The following RANBP17 variants were observed in gnomAD, a reference collection of about 807,000 sequenced individuals.
The protein encoded by RANBP17 is ran-binding protein 17.
A neutral mutation model predicts 141.2 loss-of-function variants in RANBP17; 158 were observed. That is an observed-to-expected ratio of 1.12 (90% CI 0.98 to 1.28). The LOEUF (loss-of-function observed/expected upper bound fraction) is 1.28. Ranked by LOEUF, RANBP17 falls within the 50% of genes most tolerant of loss-of-function variation. RANBP17 has a pLI of 0.00. For missense variants in RANBP17, 1,438 were observed against 1,290.7 expected, an observed-to-expected ratio of 1.11 and a Z score of -1.75; for synonymous variants, 430 against 450.0, an observed-to-expected ratio of 0.96 and a Z score of 0.56.
At chr5:171,123,754 A>G (rs1412889097) in intron 14 of RANBP17, among the ~76,000 whole-genome samples, 1 of 152,240 alleles carries the variant, frequency 6.6e-6, no homozygotes, top group East Asian at 1.9e-4. Flanking sequence ...ACCATGGAGG[A>G]ACTTACAGGC....
intron 14 of RANBP17, among the ~76,000 whole-genome samples, chr5:171,054,394 C>A (rs954912727): frequency 2.6e-5 from 4 of 152,118 alleles, no homozygotes; most frequent in Admixed American, 2.6e-4. Flanking sequence ...AAGGGGTGGG[C>A]AGTTCTTGGA....
intron 1 of RANBP17, among the ~76,000 whole-genome samples, chr5:170,870,330 T>C (rs6898943): frequency 0.67 from 101,917 of 151,496 alleles, 34,501 homozygotes; most frequent in South Asian, 0.9. Flanking sequence ...TATTAAGCTC[T>C]GCAGGCATTA....
intron 14 of RANBP17, among the ~76,000 whole-genome samples, chr5:171,007,256 C>G (rs777336150): frequency 6.6e-6 from 1 of 152,134 alleles, no homozygotes; most frequent in Non-Finnish European, 1.5e-5. Context: ...AAAAGGCACA[C>G]GTACCCTGAC....
chr5:171,008,054 C>G (rs1046169458), intron 14 of RANBP17, among the ~76,000 whole-genome samples: 7 of 152,064 alleles, frequency 4.6e-5, no homozygotes, highest in African/African-American at 1.7e-4. Flanking sequence ...GATCAGACAC[C>G]AGTGGAATAT....
At position 171,170,175 on chromosome 5, in the gene RANBP17, C is replaced by A; in HGVS notation, c.1756C>A (p.His586Asn). The A allele has an allele frequency of 6.3e-7, 1 of 1,582,412 alleles. No homozygotes were observed. The highest frequency in any genetic ancestry group is 8.6e-7 in the Non-Finnish European group (1 of 1,162,124). Residue 586 changes from histidine to asparagine, a missense_variant, in exon 15 of 28, where the codon CAC becomes AAC. Transcript: ENST00000523189. ...AGTCTTAGGAATAACAGATGACAAC[C>A]ACGTTCTAGAGACGTTCATGACAAA... Reference protein sequence around the residue: ...SEVLGITDDNHVLETFMTKIV... With the variant: ...SEVLGITDDNNVLETFMTKIV...
intron 14 of RANBP17, among the ~76,000 whole-genome samples, chr5:171,129,584 C>A (rs907367199): frequency 6.6e-6 from 1 of 152,198 alleles, no homozygotes; most frequent in African/African-American, 2.4e-5. Context: ...CAGAACTCTT[C>A]TCTCCATTTC....
chr5:170,997,913 T>C (rs943318947), intron 14 of RANBP17, among the ~76,000 whole-genome samples: 28 of 152,058 alleles, frequency 1.8e-4, no homozygotes, highest in African/African-American at 6.8e-4. Flanking sequence ...TTCTGTATTT[T>C]CCAGTATTAT....
chr5:170,900,173 C>T (rs1229668093), intron 5 of RANBP17, among the ~76,000 whole-genome samples: 1 of 151,940 alleles, frequency 6.6e-6, no homozygotes, highest in Non-Finnish European at 1.5e-5. Context: ...TGGTAGGCTA[C>T]CAATTACTGC....
At chr5:170,913,819 G>GTTTTTTTTTTA (rs1771728755) in intron 7 of RANBP17, among the ~76,000 whole-genome samples, 1 of 148,548 alleles carries the variant, frequency 6.7e-6, no homozygotes, top group African/African-American at 2.5e-5. Context: ...ATAGGGTACA[G>GTTTTTTTTTTA]TTTTTTTTTT....
At chr5:171,074,373 C>A (rs1451416899) in intron 14 of RANBP17, among the ~76,000 whole-genome samples, 1 of 151,930 alleles carries the variant, frequency 6.6e-6, no homozygotes, top group South Asian at 2.1e-4. Context: ...GGAAACACGA[C>A]GATTAAATGC....
intron 25 of RANBP17, among the ~76,000 whole-genome samples, chr5:171,277,136 T>C (rs1767538118): frequency 1.3e-5 from 2 of 151,832 alleles, no homozygotes; most frequent in African/African-American, 4.8e-5. Context: ...GTCTTTATGC[T>C]AACATAACAC....
chr5:171,184,902 C>T (rs1172580453), intron 18 of RANBP17, among the ~76,000 whole-genome samples: 1 of 152,122 alleles, frequency 6.6e-6, no homozygotes, highest in Admixed American at 6.5e-5. Flanking sequence ...GTGGCTCACA[C>T]CTGTAATCCC....
chr5:171,232,463 T>C (rs1048150791), intron 22 of RANBP17, among the ~76,000 whole-genome samples: 5 of 152,184 alleles, frequency 3.3e-5, no homozygotes, highest in Admixed American at 6.5e-5. Context: ...ACTTTCTTTC[T>C]CATCTTTTTT....
chr5:171,171,102 T>C, intron 15 of RANBP17, 104 bp from the exon 16 acceptor site: 1 of 612,650 alleles, frequency 1.6e-6, no homozygotes, highest in South Asian at 2.3e-5. Context: ...TCAAAATATT[T>C]GTGATTTAGG....
intron 14 of RANBP17, among the ~76,000 whole-genome samples, chr5:171,058,643 G>A (rs1335195630): frequency 6.7e-6 from 1 of 150,270 alleles, no homozygotes; most frequent in Non-Finnish European, 1.5e-5. Context: ...TGTCTTTATA[G>A]CAGCATGATT....
chr5:171,114,432 C>T (rs997806918), intron 14 of RANBP17, among the ~76,000 whole-genome samples: 4 of 151,920 alleles, frequency 2.6e-5, no homozygotes, highest in African/African-American at 9.7e-5. Context: ...ACCAGAATAT[C>T]ATGATTCTGG....
intron 14 of RANBP17, among the ~76,000 whole-genome samples, chr5:171,074,646 G>A (rs942293879): frequency 6.6e-6 from 1 of 152,004 alleles, no homozygotes; most frequent in Non-Finnish European, 1.5e-5. Flanking sequence ...TTTAATAAAG[G>A]TACATTCTGT....
chr5:171,134,852 G>T (rs1017745167), intron 14 of RANBP17, among the ~76,000 whole-genome samples: 3 of 151,948 alleles, frequency 2.0e-5, no homozygotes, highest in African/African-American at 7.3e-5. Flanking sequence ...ACCCTGGGAA[G>T]CAGAGGTTAT....
At chr5:170,961,671 C>T (rs1222863288) in intron 13 of RANBP17, among the ~76,000 whole-genome samples, 2 of 152,086 alleles carry the variant, frequency 1.3e-5, no homozygotes, top group African/African-American at 4.8e-5. Context: ...AAGTATAATG[C>T]AGATATTCCA....
Sources: allele counts gnomAD v4.1 joint callset (sites outside exome capture counted in the v4.1 genomes callset), GRCh38; gene constraint gnomAD v4.1.1; transcripts MANE v1.5; gene names NCBI Gene and HGNC (gene_info 2026-07-23, HGNC 2026-07-21).